The following CDADC1 variants were observed in gnomAD, a reference collection of about 807,000 sequenced individuals.
CDADC1 encodes cytidine and dCMP deaminase domain containing 1, also known as dCTP deaminase.
In CDADC1, 39 loss-of-function variants were observed where a neutral mutation model predicts 54.9. The observed-to-expected ratio is 0.71, with a 90% confidence interval of 0.55 to 0.93. The LOEUF (loss-of-function observed/expected upper bound fraction) is 0.93. CDADC1 is among the 40% of genes least tolerant of loss of function. CDADC1 has a pLI of 0.00. For synonymous variants in CDADC1, 186 were observed against 204.0 expected, an observed-to-expected ratio of 0.91 and a Z score of 0.75; for missense variants, 518 against 618.8, an observed-to-expected ratio of 0.84 and a Z score of 1.73.
intron 2 of CDADC1, among the ~76,000 whole-genome samples, chr13:49,250,013 CAG>C (rs1340840579): frequency 2.0e-5 from 3 of 152,086 alleles, no homozygotes; most frequent in South Asian, 2.1e-4. Flanking sequence ...TTTTTTAAAA[CAG>C]AGGTAAAATG....
chr13:49,291,290 C>A (rs1230722797), intron 9 of CDADC1, among the ~76,000 whole-genome samples: 1 of 151,210 alleles, frequency 6.6e-6, no homozygotes, highest in Non-Finnish European at 1.5e-5. Flanking sequence ...ACCTCAGGCT[C>A]CTGAGTAGCT....
At chr13:49,261,932 A>T (rs935388178) in intron 4 of CDADC1, among the ~76,000 whole-genome samples, 2 of 152,250 alleles carry the variant, frequency 1.3e-5, no homozygotes, top group African/African-American at 4.8e-5. Flanking sequence ...GTGTTGGACA[A>T]TATATAAACA....
chr13:49,262,575 G>A (rs968518709), intron 4 of CDADC1, among the ~76,000 whole-genome samples: 8 of 151,908 alleles, frequency 5.3e-5, no homozygotes, highest in Admixed American at 5.2e-4. Flanking sequence ...CTGTCACCCA[G>A]GCTGGAGTGC....
chr13:49,279,449 G>A (rs1382384100), intron 7 of CDADC1, among the ~76,000 whole-genome samples: 1 of 152,224 alleles, frequency 6.6e-6, no homozygotes, highest in African/African-American at 2.4e-5. Flanking sequence ...CGGTCTAGAA[G>A]TAGGAAAATC....
In CDADC1 at chr13:49,291,893, T is replaced by C; in HGVS notation, c.*136T>C. 2 of 1,433,116 alleles carry C rather than the reference T, an allele frequency of 1.4e-6. No homozygotes were observed. The highest frequency in any genetic ancestry group is 1.5e-5 in the South Asian group (1 of 65,488). 88.8% of individuals were successfully genotyped at this position (1,433,116 alleles called of 1,614,324 possible). Reference sequence around the variant, plus strand: ...TTTTTTAAGGAAGCTAATTTATTTCTAGGATACAAATGGTGTTAATAAGAA... The same window carrying C: ...TTTTTTAAGGAAGCTAATTTATTTCCAGGATACAAATGGTGTTAATAAGAA... On this transcript the variant is annotated 3_prime_UTR_variant, in exon 10 of 10. Coordinates refer to ENST00000251108, the MANE Select transcript of CDADC1 (RefSeq NM_030911.4).
At chr13:49,250,018 G>A (rs530592148) in intron 2 of CDADC1, among the ~76,000 whole-genome samples, 6 of 152,180 alleles carry the variant, frequency 3.9e-5, no homozygotes, top group African/African-American at 9.6e-5. Flanking sequence ...TAAAACAGAG[G>A]TAAAATGAGG....
At chr13:49,283,518 A>T (rs956447640) in intron 8 of CDADC1, among the ~76,000 whole-genome samples, 1 of 152,192 alleles carries the variant, frequency 6.6e-6, no homozygotes, top group African/African-American at 2.4e-5. Context: ...CCTCATAAAG[A>T]TTAAGTGACT....
In CDADC1 at chr13:49,262,537, T is replaced by A. The variant is rs538901883; in HGVS notation, c.430+3014T>A. On this transcript the variant is annotated intron_variant, in intron 4 of 9. Coordinates refer to ENST00000251108, the MANE Select transcript of CDADC1 (RefSeq NM_030911.4). ...CTGTTTCCGTATCTTTATTTTTATT[T>A]TATTTTTTTTTGAGACAGAGTCTCG... Among the ~76,000 whole-genome samples the A allele has an allele frequency of 3.3e-5, 5 of 152,196 alleles. No homozygotes were observed. In the South Asian group the frequency reaches 1.0e-3, roughly 32 times the overall value.
At chr13:49,265,974 A>G (rs1434561770) in intron 4 of CDADC1, 14 of 1,299,292 alleles carry the variant, frequency 1.1e-5, no homozygotes, top group Non-Finnish European at 1.2e-5. Context: ...GGAAGGTGAA[A>G]TGCAACCGGA....
intron 5 of CDADC1, among the ~76,000 whole-genome samples, chr13:49,268,440 C>T (rs1014749073): frequency 1.3e-5 from 2 of 152,088 alleles, no homozygotes; most frequent in African/African-American, 4.8e-5. Context: ...ACAGGAGGAT[C>T]GCTTGAGCTC....
intron 2 of CDADC1, among the ~76,000 whole-genome samples, chr13:49,251,258 A>C (rs1412299651): frequency 1.3e-5 from 2 of 152,106 alleles, no homozygotes; most frequent in African/African-American, 2.4e-5. Flanking sequence ...AAATACAAAA[A>C]GTAGCTGGGC....
At chr13:49,276,169 A>C (rs1953128335) in intron 6 of CDADC1, among the ~76,000 whole-genome samples, 2 of 152,250 alleles carry the variant, frequency 1.3e-5, no homozygotes, top group African/African-American at 4.8e-5. Context: ...CATTTAAAAA[A>C]TATTAAATCT....
chr13:49,268,031 T>C lies in CDADC1; in HGVS notation c.972T>C (p.Val324=). 1 of 1,612,844 alleles carries C rather than the reference T, an allele frequency of 6.2e-7. No homozygotes were observed. Among genetic ancestry groups the C allele is most frequent in the African/African-American group, 1.3e-5 (1 of 75,052 alleles). The stretch of plus-strand genomic sequence containing the variant: ...AGGAAATTGCAAGGCACTGCATGGT[T>C]CAGGCCAGGTTATTGGCATATCGAA... ...LPQEIARHCM[V]QARLLAYRTE... Residue 324 remains valine (V), a synonymous_variant, in exon 5 of 10, where the codon GTT becomes GTC. Transcript: ENST00000251108.
chr13:49,290,205 G>A (rs907211568), intron 9 of CDADC1, among the ~76,000 whole-genome samples: 6 of 151,844 alleles, frequency 4.0e-5, no homozygotes, highest in Non-Finnish European at 7.4e-5. Context: ...GGGAGCGCAC[G>A]GGAATTGATA....
intron 4 of CDADC1, among the ~76,000 whole-genome samples, chr13:49,261,862 A>G (rs1382303230): frequency 2.6e-5 from 4 of 152,204 alleles, no homozygotes; most frequent in Admixed American, 2.0e-4. Context: ...CATCCTGACA[A>G]AAAAGATAAT....
chr13:49,288,751 C>T (rs1429530699), intron 9 of CDADC1, among the ~76,000 whole-genome samples: 1 of 151,940 alleles, frequency 6.6e-6, no homozygotes, highest in African/African-American at 2.4e-5. Context: ...GGAAGGCAGG[C>T]AGTGTGACTG....
At chr13:49,287,907 A>G (rs1304660252) in intron 9 of CDADC1, among the ~76,000 whole-genome samples, 1 of 150,880 alleles carries the variant, frequency 6.6e-6, no homozygotes, top group Non-Finnish European at 1.5e-5. Context: ...GAAGAGGTTG[A>G]GGCTGCAGTG....
rs74918957 is a variant in CDADC1, at chr13:49,248,858, G to T, written c.83-13G>T. The stretch of plus-strand genomic sequence containing the variant: ...AGTAACAAAGTTTAAAGTGTTTGTC[G>T]TCTCTTTTGTAGGTCAGATACCAAG... On this transcript the variant is annotated splice_polypyrimidine_tract_variant and intron_variant, in intron 1 of 9. Transcript: ENST00000251108. 2.5e-3 allele frequency: 3,763 copies of T among 1,520,438 alleles called. 61 individuals carry two copies. In the East Asian group the frequency reaches 0.052, roughly 21 times the overall value. The allele number at this position is 1,520,438 out of a possible 1,614,324, so 94.2% of individuals were successfully genotyped here.
chr13:49,263,532 G>T (rs926380236), intron 4 of CDADC1, among the ~76,000 whole-genome samples: 4 of 152,156 alleles, frequency 2.6e-5, no homozygotes, highest in Non-Finnish European at 5.9e-5. Flanking sequence ...ATTCTACATT[G>T]TAACTAACCT....
Sources: allele counts gnomAD v4.1 joint callset (sites outside exome capture counted in the v4.1 genomes callset), GRCh38; gene constraint gnomAD v4.1.1; transcripts MANE v1.5; gene names NCBI Gene and HGNC (gene_info 2026-07-23, HGNC 2026-07-21).